HOXD11: variants seen among roughly 807,000 people sequenced by gnomAD.
The protein encoded by HOXD11 is homeobox D11.
Under a neutral mutation model 23.1 loss-of-function variants are expected in HOXD11, and 16 were observed. The observed-to-expected ratio is 0.69, with a 90% CI of 0.47 to 1.05. The LOEUF (loss-of-function observed/expected upper bound fraction) is 1.05, where lower values mean the gene tolerates loss of function less well. Ranked by LOEUF, HOXD11 falls within the 50% of genes least tolerant of loss-of-function variation. HOXD11 has a pLI of 0.00. For missense variants in HOXD11, 564 were observed against 495.6 expected (o/e 1.14, Z -1.31); for synonymous variants, 262 against 224.4 (o/e 1.17, Z -1.50).
rs998037959 is a variant in HOXD11, at chr2:176,109,377, T to C, written c.*235T>C. ...GAAAATGGTAAATGCAAACGTCCCG[T>C]TACAATTTTACCGCCAGTGTGCTGT... On this transcript the variant is annotated 3_prime_UTR_variant, in exon 2 of 2. Coordinates refer to ENST00000249504, the MANE Select transcript of HOXD11 (RefSeq NM_021192.3). 5 of 469,538 alleles carry C rather than the reference T, an allele frequency of 1.1e-5. No individual in the cohort carries two copies. The highest frequency in any genetic ancestry group is 1.9e-5 in the Non-Finnish European group (5 of 261,772). The allele number at this position is 469,538 out of a possible 1,614,324, so 29.1% of individuals were successfully genotyped here.
chr2:176,111,868 CCT>C (rs1689680530), downstream of HOXD11, among the ~76,000 whole-genome samples: 1 of 138,300 alleles, frequency 7.2e-6, no homozygotes, highest in African/African-American at 2.9e-5. Flanking sequence ...GGTTTTACCC[CCT>C]CTCAGACCTC....
chr2:176,114,931 T>C, the HOXD11 span, among the ~76,000 whole-genome samples: 1 of 152,254 alleles, frequency 6.6e-6, no homozygotes, highest in Admixed American at 6.5e-5. Flanking sequence ...GTTTCTTGGC[T>C]GGCAGGAAGG....
Position 176,107,565 on chromosome 2 carries a change from C to T in HOXD11, c.210C>T (p.Arg70=). ...CCTTCCGCGACTACGGCCTGGAGCG[C>T]GCCAAGTGGCCGTACCGCGGCGGCG... is the stretch of plus-strand genomic sequence containing the variant. The part of the protein sequence containing the change: ...EVAFRDYGLE[R]AKWPYRGGGG... Residue 70 remains arginine (R), a synonymous_variant, in exon 1 of 2, where the codon CGC becomes CGT. Coordinates refer to ENST00000249504, the MANE Select transcript of HOXD11 (RefSeq NM_021192.3). 1 of 1,568,178 alleles carries T rather than the reference C, an allele frequency of 6.4e-7. No individual in the cohort carries two copies. Among genetic ancestry groups the T allele is most frequent in the South Asian group, 1.2e-5 (1 of 85,588 alleles).
Position 176,109,474 on chromosome 2 carries a change from G to T in HOXD11, c.*332G>T. 1 of 314,832 alleles carries T rather than the reference G, an allele frequency of 3.2e-6. No individual in the cohort carries two copies. Among genetic ancestry groups the T allele is most frequent in the Non-Finnish European group, 5.9e-6 (1 of 169,464 alleles). The allele number at this position is 314,832 out of a possible 1,614,324, so 19.5% of individuals were successfully genotyped here. On this transcript the variant is annotated 3_prime_UTR_variant, in exon 2 of 2. Transcript: ENST00000249504. ...CTGTAGGAAGTTGGGCCGGGTTGGG[G>T]GTTGCTAGAAGGCGCTGGTGTTTTG...
At chr2:176,113,135 A>G (rs746170414), downstream of HOXD11, among the ~76,000 whole-genome samples, 16 of 152,066 alleles carry the variant, frequency 1.1e-4, no homozygotes, top group Non-Finnish European at 2.1e-4. Flanking sequence ...CTTGGCTTGG[A>G]GGTGCACAGT....
chr2:176,107,338 C>G lies in HOXD11; in HGVS notation c.-18C>G. ...CGGGGAGCGGCCAGAGGCTCGCTGGCGCGCACGCCGCGGAGTCATGAACGA... is the reference window on the plus strand; with the variant it reads ...CGGGGAGCGGCCAGAGGCTCGCTGGGGCGCACGCCGCGGAGTCATGAACGA... On this transcript the variant is annotated 5_prime_UTR_variant, in exon 1 of 2. Transcript: ENST00000249504. 1 of 1,558,644 alleles carries G rather than the reference C, an allele frequency of 6.4e-7. No individual in the cohort carries two copies. Among genetic ancestry groups the G allele is most frequent in the Non-Finnish European group, 8.7e-7 (1 of 1,154,538 alleles).
In HOXD11 at chr2:176,108,116, C is replaced by A; in HGVS notation, c.761C>A (p.Ala254Asp). ...DGEGPPGEAG[A>D]EKSSSAVAPQ... ...GAGGGCCCCCCGGGAGAGGCGGGGG[C>A]CGAGAAGAGCAGCAGCGCAGGTAGG... The change falls in exon 1 of 2, where the codon GCC (alanine) becomes GAC (aspartate). Residue 254 changes from alanine (A) to aspartate (D), a missense_variant. Coordinates refer to ENST00000249504, the MANE Select transcript of HOXD11 (RefSeq NM_021192.3). The A allele has an allele frequency of 8.2e-7, 1 of 1,215,292 alleles. No individual in the cohort carries two copies. The highest frequency in any genetic ancestry group is 1.0e-6 in the Non-Finnish European group (1 of 966,022). The allele number at this position is 1,215,292 out of a possible 1,614,324, so 75.3% of individuals were successfully genotyped here. A position where few individuals can be genotyped will look rare whatever the true frequency, so the allele number is the denominator to read the frequency against.
At chr2:176,112,836 C>T (rs1021254799), downstream of HOXD11, among the ~76,000 whole-genome samples, 30 of 152,228 alleles carry the variant, frequency 2.0e-4, no homozygotes, top group African/African-American at 7.0e-4. Context: ...TTCCTCCCTG[C>T]GCCCAAGATG....
rs141812814 is a variant in HOXD11 at position 176,107,511 on chromosome 2, T to C, written c.156T>C (p.Ala52=). The change falls in exon 1 of 2, where the codon GCT becomes GCC. Residue 52 remains alanine, a synonymous_variant. Coordinates refer to ENST00000249504, the MANE Select transcript of HOXD11 (RefSeq NM_021192.3). ...QMTFPYSSNL[A]PHVQPVREVA... ...CTTTCCCCTACTCTTCCAACCTGGCTCCGCACGTCCAGCCCGTGCGCGAAG... is the reference window on the plus strand; with the variant it reads ...CTTTCCCCTACTCTTCCAACCTGGCCCCGCACGTCCAGCCCGTGCGCGAAG... 120 of 1,613,526 alleles carry C rather than the reference T, an allele frequency of 7.4e-5. No homozygotes were observed. Among genetic ancestry groups the C allele is most frequent in the Middle Eastern group, 3.3e-4 (2 of 6,084 alleles).
downstream of HOXD11, among the ~76,000 whole-genome samples, chr2:176,114,419 T>C (rs1689719686): frequency 6.6e-6 from 1 of 152,184 alleles, no homozygotes; most frequent in Non-Finnish European, 1.5e-5. Context: ...CCCCAGGCTA[T>C]GCTGGGATGC....
In HOXD11 at chr2:176,107,859, G is replaced by C. The variant is rs1284818883; in HGVS notation, c.504G>C (p.Val168=). 1.4e-6 allele frequency: 2 copies of C among 1,450,816 alleles called. No homozygotes were observed. The highest frequency in any genetic ancestry group is 5.0e-5 in the Admixed American group (2 of 39,608). 89.9% of individuals were successfully genotyped at this position (1,450,816 alleles called of 1,614,324 possible). ...CCGCCTCCAACTTCTACAGCGCGGT[G>C]GGCCGCAATGGCATCTTGCCACAGG... is the stretch of plus-strand genomic sequence containing the variant. ...AGAASNFYSA[V]GRNGILPQGF... Residue 168 remains valine, a synonymous_variant, in exon 1 of 2, where the codon GTG becomes GTC. Coordinates refer to ENST00000249504, the MANE Select transcript of HOXD11 (RefSeq NM_021192.3).
chr2:176,114,856 A>G, the HOXD11 span, among the ~76,000 whole-genome samples: 1 of 152,210 alleles, frequency 6.6e-6, no homozygotes, highest in Non-Finnish European at 1.5e-5. Flanking sequence ...TACGGGGAAA[A>G]GAGAACACAG....
downstream of HOXD11, among the ~76,000 whole-genome samples, chr2:176,114,566 G>T (rs1689721517): frequency 6.6e-6 from 1 of 151,982 alleles, no homozygotes; most frequent in African/African-American, 2.4e-5. Context: ...TTGGGCGAGA[G>T]CACCGAGAGG....
intron 1 of HOXD11, chr2:176,108,693 G>A: frequency 1.7e-6 from 1 of 580,904 alleles, no homozygotes; most frequent in South Asian, 2.1e-5. Flanking sequence ...GTGTGTGTGT[G>A]TGTGTCCGGG....
chr2:176,114,135 T>C (rs534368740), downstream of HOXD11, among the ~76,000 whole-genome samples: 1 of 152,232 alleles, frequency 6.6e-6, no homozygotes, highest in Non-Finnish European at 1.5e-5. Context: ...TCGATACTGC[T>C]GGAGCGCCAA....
chr2:176,114,949 G>T, the HOXD11 span, among the ~76,000 whole-genome samples: 5 of 152,236 alleles, frequency 3.3e-5, no homozygotes, highest in Non-Finnish European at 7.3e-5. Flanking sequence ...AGGGAACCTG[G>T]CAGGCCGAAG....
intron 1 of HOXD11, among the ~76,000 whole-genome samples, 165 bp downstream of exon 1, chr2:176,108,301 G>A (rs1689617439): frequency 6.6e-6 from 1 of 152,078 alleles, no homozygotes; most frequent in African/African-American, 2.4e-5. Context: ...GTGTGTTTAT[G>A]GTAGGAAACC....
chr2:176,115,414 GA>G, the HOXD11 span, among the ~76,000 whole-genome samples: 18 of 152,266 alleles, frequency 1.2e-4, no homozygotes, highest in Non-Finnish European at 2.5e-4. Context: ...GCAGCGAAGG[GA>G]AAAAAATCAA....
chr2:176,109,331 C>T lies in HOXD11; in HGVS notation c.*189C>T, dbSNP rs2105388770. On this transcript the variant is annotated 3_prime_UTR_variant, in exon 2 of 2. Coordinates refer to ENST00000249504, the MANE Select transcript of HOXD11 (RefSeq NM_021192.3). The stretch of plus-strand genomic sequence containing the variant: ...GCCTGCGGACGAGGCCGGGACTTGG[C>T]CGAGCGGATCCTAATAAGGGGAAAA... 2 of 581,614 alleles carry T rather than the reference C, an allele frequency of 3.4e-6. No individual in the cohort carries two copies. The highest frequency in any genetic ancestry group is 2.8e-5 in the East Asian group (1 of 35,270). The allele number at this position is 581,614 out of a possible 1,614,324, so 36.0% of individuals were successfully genotyped here.
Sources: gnomAD v4.1 joint callset for allele counts (sites outside exome capture counted in the v4.1 genomes callset) on GRCh38, gnomAD v4.1.1 for gene constraint, MANE v1.5 for transcripts, NCBI Gene and HGNC (gene_info 2026-07-23, HGNC 2026-07-21) for gene names.